MCM3AP: variants seen among roughly 807,000 people sequenced by gnomAD.
MCM3AP encodes germinal-center associated nuclear protein.
MCM3AP carries 126 observed loss-of-function variants against 184.1 expected under a neutral mutation model. That is an observed-to-expected ratio of 0.68 (90% CI 0.59 to 0.79). MCM3AP has a LOEUF of 0.79. Ranked by LOEUF, MCM3AP falls within the 30% of genes least tolerant of loss-of-function variation. The pLI, the probability that MCM3AP is intolerant of heterozygous loss-of-function variation, is 0.00. For missense variants in MCM3AP, 2,496 were observed against 2,479.2 expected, an observed-to-expected ratio of 1.01 and a Z score of -0.14; for synonymous variants, 1,002 against 979.3, an observed-to-expected ratio of 1.02 and a Z score of -0.43.
chr21:46,265,832 C>T (rs1200710423), intron 11 of MCM3AP, 93 bp downstream of exon 11: 1 of 1,452,794 alleles, frequency 6.9e-7, no homozygotes, highest in Non-Finnish European at 9.2e-7. Context: ...TGGGAGGCGT[C>T]CTGGCGAGAA....
intron 3 of MCM3AP, 67 bp downstream of exon 3, chr21:46,280,430 A>T: frequency 5.2e-6 from 6 of 1,153,246 alleles, no homozygotes; most frequent in Non-Finnish European, 6.3e-6. Context: ...ACATAGCGAG[A>T]TCTCATCTCT....
At chr21:46,253,564 A>G (rs1471406023) in intron 19 of MCM3AP, 1 of 150,674 alleles carries the variant, frequency 6.6e-6, no homozygotes, top group African/African-American at 2.4e-5. Context: ...GTGTGTGACA[A>G]CTCCCCCTCA....
rs531298370 is a variant in MCM3AP, at chr21:46,261,435, A to T, written c.3336-24T>A. ...CACTAAACGGAGCAAAGGGGATAGCATTCAAAATCAGAGTCAAGGCCGGGT... is the reference window on the plus strand; with the variant it reads ...CACTAAACGGAGCAAAGGGGATAGCTTTCAAAATCAGAGTCAAGGCCGGGT... On this transcript the variant is annotated intron_variant, in intron 13 of 27. Transcript: ENST00000291688. The T allele has an allele frequency of 1.1e-5, 18 of 1,611,560 alleles. No individual in the cohort carries two copies. The Admixed American group carries it at 3.0e-4, about 27-fold the overall frequency.
At chr21:46,280,812 CT>C (rs5844262) in intron 2 of MCM3AP, among the ~76,000 whole-genome samples, 46 of 148,500 alleles carry the variant, frequency 3.1e-4, no homozygotes, top group South Asian at 8.5e-4. Context: ...CTCTTTCCCC[CT>C]TTTTTTTTTT....
Position 46,273,438 on chromosome 21 carries a change from G to A in MCM3AP, c.2146C>T (p.Leu716=). The part of the protein sequence containing the change: ...TQIMDQKEGS[L]RDWYDFVWNR... ...CACACGAAGTCATACCAATCCCGCA[G>A]GCTGCCCTCCTTCTGGTCCATGATC... The change falls in exon 7 of 28, where the codon CTG becomes TTG. Residue 716 remains leucine, a synonymous_variant. Coordinates refer to ENST00000291688, the MANE Select transcript of MCM3AP (RefSeq NM_003906.5). The A allele has an allele frequency of 6.2e-7, 1 of 1,614,006 alleles. No homozygotes were observed. Among genetic ancestry groups the A allele is most frequent in the African/African-American group, 1.3e-5 (1 of 75,060 alleles).
chr21:46,254,583 C>G (rs903539037), intron 18 of MCM3AP, 57 bp from the exon 19 acceptor site: 4 of 1,599,246 alleles, frequency 2.5e-6, no homozygotes, highest in African/African-American at 1.3e-5. Flanking sequence ...GCAGGAGCAG[C>G]ACACACATCC....
In MCM3AP at chr21:46,284,362, C is replaced by T; in HGVS notation, c.925G>A (p.Ala309Thr). Reference protein sequence around the residue: ...RSPRRHGHEPAEDSDPLSRGD... With the variant: ...RSPRRHGHEPTEDSDPLSRGD... ...CGGGACAGAGGATCCGAATCTTCTG[C>T]TGGCTCGTGGCCATGTCTCCTTGGG... The change falls in exon 1 of 28, where the codon GCA becomes ACA. Residue 309 changes from alanine to threonine, a missense_variant. Transcript: ENST00000291688. 1 of 1,614,238 alleles carries T rather than the reference C, an allele frequency of 6.2e-7. No individual in the cohort carries two copies. The highest frequency in any genetic ancestry group is 1.1e-5 in the South Asian group (1 of 91,086).
chr21:46,270,041 T>C (rs1301425417), intron 9 of MCM3AP, among the ~76,000 whole-genome samples: 4 of 152,192 alleles, frequency 2.6e-5, no homozygotes, highest in African/African-American at 7.2e-5. Context: ...GAAACTTCGA[T>C]TTAAAACATG....
chr21:46,263,780 C>CAAAAAAAAAAAAAAA lies in MCM3AP; in HGVS notation c.3335+322_3335+336dup, dbSNP rs57674256. ...TGAGCAACAGAGCAAGACTCCATCT[C>CAAAAAAAAAAAAAAA]AAAAAAAAAAAAAAAAAAAAAAAAA... On this transcript the variant is annotated intron_variant, in intron 13 of 27. Transcript: ENST00000291688. Among the ~76,000 whole-genome samples the CAAAAAAAAAAAAAAA allele has an allele frequency of 4.9e-4, 14 of 28,330 alleles. 3 individuals are homozygous for CAAAAAAAAAAAAAAA. Among genetic ancestry groups the CAAAAAAAAAAAAAAA allele is most frequent in the African/African-American group, 7.3e-4 (4 of 5,494 alleles). The allele number at this position is 28,330 out of a possible 152,430, so 18.6% of individuals were successfully genotyped here.
chr21:46,266,331 C>T (rs2145680016), intron 10 of MCM3AP, 165 bp from the exon 11 acceptor site: 1 of 653,130 alleles, frequency 1.5e-6, no homozygotes, highest in Non-Finnish European at 2.5e-6. Context: ...CCTGGAGCCT[C>T]TGTAGGTCCC....
chr21:46,284,139 G>A lies in MCM3AP; in HGVS notation c.1148C>T (p.Ser383Phe), dbSNP rs142544536. 69 of 1,614,228 alleles carry A rather than the reference G, an allele frequency of 4.3e-5. No homozygotes were observed. In the African/African-American group the frequency reaches 6.0e-4, roughly 14 times the overall value. ...DHMAIPGGNQ[S>F]VLAPSRIPGV... The stretch of plus-strand genomic sequence containing the variant: ...TGGAATCCGGGAAGGTGCCAGGACA[G>A]ACTGATTCCCTCCTGGGATAGCCAT... The change falls in exon 1 of 28, where the codon TCT becomes TTT. Residue 383 changes from serine (S) to phenylalanine (F), a missense_variant. By Grantham distance (155) the Ser-to-Phe change is radical. Transcript: ENST00000291688.
intron 11 of MCM3AP, 137 bp downstream of exon 11, chr21:46,265,788 C>T: frequency 1.8e-6 from 2 of 1,140,546 alleles, no homozygotes; most frequent in Non-Finnish European, 2.5e-6. Flanking sequence ...AGCCACACCC[C>T]TGGGCCCCAA....
intron 12 of MCM3AP, among the ~76,000 whole-genome samples, chr21:46,264,766 C>T (rs907827497): frequency 6.7e-6 from 1 of 148,652 alleles, no homozygotes. Flanking sequence ...ACGACCACCC[C>T]GAGGCCACGC....
At chr21:46,254,612 G>A (rs1601508558) in intron 18 of MCM3AP, 86 bp from the exon 19 acceptor site, 1 of 1,541,276 alleles carries the variant, frequency 6.5e-7, no homozygotes, top group East Asian at 2.3e-5. Context: ...GGAAGGGGCA[G>A]GTTGGAGGAA....
chr21:46,277,777 A>C, intron 4 of MCM3AP, 60 bp from the exon 5 acceptor site: 1 of 1,008,658 alleles, frequency 9.9e-7, no homozygotes, highest in Non-Finnish European at 1.4e-6. Context: ...GAGCATTTTC[A>C]TTTCTGAACA....
rs2080962754 is a variant in MCM3AP, at chr21:46,257,001, A to G, written c.3735-15T>C. ...CTTCCCTCCACCTGGGGACATGAAA[A>G]TGTATCATCACAGAGTGTTTTCAGG... On this transcript the variant is annotated splice_polypyrimidine_tract_variant and intron_variant, in intron 16 of 27. Coordinates refer to ENST00000291688, the MANE Select transcript of MCM3AP (RefSeq NM_003906.5). 1.2e-6 allele frequency: 2 copies of G among 1,605,998 alleles called. No homozygotes were observed. The highest frequency in any genetic ancestry group is 1.1e-5 in the South Asian group (1 of 89,766).
intron 17 of MCM3AP, among the ~76,000 whole-genome samples, chr21:46,255,743 C>T (rs79446605): frequency 1.3e-3 from 204 of 151,712 alleles, no homozygotes; most frequent in African/African-American, 4.7e-3. Context: ...AGGGCTATCA[C>T]CAGGGGGTGC....
chr21:46,280,356 G>T, intron 3 of MCM3AP, 141 bp downstream of exon 3: 1 of 821,122 alleles, frequency 1.2e-6, no homozygotes, highest in Non-Finnish European at 1.9e-6. Flanking sequence ...CCAAGAGCAT[G>T]AGAAACTGAA....
Position 46,285,073 on chromosome 21 carries a change from T to G in MCM3AP, c.214A>C (p.Thr72Pro). Residue 72 changes from threonine (T) to proline (P), a missense_variant, in exon 1 of 28, where the codon ACA (threonine) becomes CCA (proline). Thr to Pro is a conservative substitution (Grantham distance 38, BLOSUM62 -1). Transcript: ENST00000291688. ...SGVSHSSSVQTLGFTQTSSVG... is the reference protein window; with the variant it reads ...SGVSHSSSVQPLGFTQTSSVG... ...CTTGAGGTTTGGGTGAACCCTAATG[T>G]TTGCACTGAAGAGGAATGACTTACT... is the stretch of plus-strand genomic sequence containing the variant. 6.2e-7 allele frequency: 1 copy of G among 1,614,170 alleles called. No homozygotes were observed. Among genetic ancestry groups the G allele is most frequent in the Non-Finnish European group, 8.5e-7 (1 of 1,180,026 alleles).
Sources: gnomAD v4.1 joint callset for allele counts (sites outside exome capture counted in the v4.1 genomes callset) on GRCh38, gnomAD v4.1.1 for gene constraint, MANE v1.5 for transcripts, NCBI Gene and HGNC (gene_info 2026-07-23, HGNC 2026-07-21) for gene names.